LRRC4C: variants seen among roughly 807,000 people sequenced by gnomAD.
LRRC4C encodes the protein leucine-rich repeat-containing protein 4C.
Under a neutral mutation model 33.6 loss-of-function variants are expected in LRRC4C, and 5 were observed. The ratio of observed to expected loss-of-function variants is 0.15; its 90% CI spans 0.08 to 0.31. LRRC4C has a LOEUF of 0.31. LRRC4C is among the 10% of genes least tolerant of loss of function. LRRC4C has a pLI of 1.00. For missense variants in LRRC4C, 560 were observed against 796.7 expected, an observed-to-expected ratio of 0.70 and a Z score of 3.58; for synonymous variants, 329 against 302.0, an observed-to-expected ratio of 1.09 and a Z score of -0.93.
At chr11:41,255,189 G>A (rs1284213410) in intron 1 of LRRC4C, among the ~76,000 whole-genome samples, 1 of 152,026 alleles carries the variant, frequency 6.6e-6, no homozygotes, top group Non-Finnish European at 1.5e-5. Context: ...CCAAATGAAT[G>A]AAGCACAATA....
intron 5 of LRRC4C, among the ~76,000 whole-genome samples, chr11:40,145,463 A>G (rs1379310602): frequency 6.6e-6 from 1 of 152,216 alleles, no homozygotes; most frequent in Non-Finnish European, 1.5e-5. Flanking sequence ...CAATACTTTT[A>G]TTTCAATGTA....
At chr11:40,949,511 G>A (rs542752282) in intron 1 of LRRC4C, among the ~76,000 whole-genome samples, 2,102 of 151,934 alleles carry the variant, frequency 0.014, 52 homozygotes, top group African/African-American at 0.048. Flanking sequence ...GACTAACAGC[G>A]GATCTCTCGG....
chr11:40,884,615 A>G (rs1955346784), intron 2 of LRRC4C, among the ~76,000 whole-genome samples: 1 of 152,130 alleles, frequency 6.6e-6, no homozygotes, highest in Non-Finnish European at 1.5e-5. Flanking sequence ...AATGTGTTAG[A>G]AATAGTTATT....
chr11:40,853,950 C>T (rs757735679), intron 2 of LRRC4C, among the ~76,000 whole-genome samples: 1 of 152,164 alleles, frequency 6.6e-6, no homozygotes, highest in Non-Finnish European at 1.5e-5. Flanking sequence ...AGTTCATTAC[C>T]TGCCTAAATC....
chr11:40,239,616 C>T (rs1215009727), intron 5 of LRRC4C, among the ~76,000 whole-genome samples: 3 of 152,164 alleles, frequency 2.0e-5, no homozygotes, highest in Non-Finnish European at 4.4e-5. Flanking sequence ...ACCAACTCTT[C>T]TCCCTTAGTA....
intron 1 of LRRC4C, among the ~76,000 whole-genome samples, chr11:41,272,563 C>A (rs980062114): frequency 6.6e-6 from 1 of 152,002 alleles, no homozygotes; most frequent in African/African-American, 2.4e-5. Flanking sequence ...ACTTGAGAAA[C>A]CTTTTCAAAC....
At chr11:40,231,310 T>C (rs1215028398) in intron 5 of LRRC4C, among the ~76,000 whole-genome samples, 1 of 152,174 alleles carries the variant, frequency 6.6e-6, no homozygotes, top group Non-Finnish European at 1.5e-5. Context: ...CTCTAACAAA[T>C]TTTATCAAAA....
chr11:40,696,341 G>T (rs933218255), intron 2 of LRRC4C, among the ~76,000 whole-genome samples: 2 of 129,164 alleles, frequency 1.5e-5, no homozygotes, highest in East Asian at 2.2e-4. Flanking sequence ...TATATATATG[G>T]TGTATATATA....
At position 40,904,842 on chromosome 11, in the gene LRRC4C, G is replaced by A. The variant is rs141022659; in HGVS notation, c.-407+28793C>T. 7.4e-4 allele frequency among the ~76,000 whole-genome samples: 112 copies of A among 152,208 alleles called. 3 individuals carry two copies. The East Asian group carries it at 0.013, about 18-fold the overall frequency. ...GATTTTAGGTAGCAGATGGGAGTGC[G>A]GAACACACTTTCATCAAGCCCCTAC... On this transcript the variant is annotated intron_variant, in intron 2 of 6. Coordinates refer to ENST00000528697, the MANE Select transcript of LRRC4C (RefSeq NM_001258419.2).
At chr11:40,913,574 A>G (rs1410834846) in intron 2 of LRRC4C, among the ~76,000 whole-genome samples, 2 of 152,174 alleles carry the variant, frequency 1.3e-5, no homozygotes, top group Non-Finnish European at 2.9e-5. Flanking sequence ...TTATAGCACT[A>G]AATGCCCACA....
intron 1 of LRRC4C, among the ~76,000 whole-genome samples, chr11:41,218,886 G>C (rs1268904731): frequency 6.7e-6 from 1 of 148,730 alleles, no homozygotes; most frequent in Non-Finnish European, 1.5e-5. Context: ...TCCTGCCTCA[G>C]CCTCCAGAGT....
At chr11:41,105,298 C>A (rs1453943094) in intron 1 of LRRC4C, among the ~76,000 whole-genome samples, 1 of 152,006 alleles carries the variant, frequency 6.6e-6, no homozygotes, top group Non-Finnish European at 1.5e-5. Context: ...ATTCTGAATG[C>A]AGTCTAAGCA....
chr11:41,304,731 C>A (rs1283695926), intron 1 of LRRC4C, among the ~76,000 whole-genome samples: 1 of 94,166 alleles, frequency 1.1e-5, no homozygotes, highest in Non-Finnish European at 2.2e-5. Flanking sequence ...GGGGTATCAG[C>A]CCCCCGCCCG....
At chr11:41,322,245 T>C (rs1250937053) in intron 1 of LRRC4C, among the ~76,000 whole-genome samples, 4 of 152,002 alleles carry the variant, frequency 2.6e-5, no homozygotes, top group Non-Finnish European at 4.4e-5. Flanking sequence ...GTTCAAGATA[T>C]CACAAGATAT....
chr11:41,220,229 A>T, intron 1 of LRRC4C, among the ~76,000 whole-genome samples: 1 of 152,266 alleles, frequency 6.6e-6, no homozygotes, highest in African/African-American at 2.4e-5. Flanking sequence ...GTACTAACTC[A>T]CTGATTGTTA....
chr11:41,138,376 G>T (rs1401595490), intron 1 of LRRC4C, among the ~76,000 whole-genome samples: 1 of 152,188 alleles, frequency 6.6e-6, no homozygotes, highest in Non-Finnish European at 1.5e-5. Flanking sequence ...GTTATAATCA[G>T]TGTGGTCTCT....
chr11:40,832,003 G>A (rs1021010627), intron 2 of LRRC4C, among the ~76,000 whole-genome samples: 22 of 152,222 alleles, frequency 1.4e-4, no homozygotes, highest in African/African-American at 5.3e-4. Context: ...GTTATAGGTA[G>A]AGTTATGATT....
At chr11:41,358,055 C>A (rs536955334) in intron 1 of LRRC4C, among the ~76,000 whole-genome samples, 1 of 152,110 alleles carries the variant, frequency 6.6e-6, no homozygotes, top group South Asian at 2.1e-4. Context: ...AAAGAATAGA[C>A]AAACAAATCA....
intron 3 of LRRC4C, chr11:40,351,477 G>C (rs1947382684): frequency 6.6e-6 from 1 of 152,008 alleles, no homozygotes; most frequent in South Asian, 2.1e-4. Flanking sequence ...TGGACGATCT[G>C]TCCAATAGCT....
Sources: allele counts gnomAD v4.1 joint callset (sites outside exome capture counted in the v4.1 genomes callset), GRCh38; gene constraint gnomAD v4.1.1; transcripts MANE v1.5; gene names NCBI Gene and HGNC (gene_info 2026-07-23, HGNC 2026-07-21).